Variants in EDNRA observed in about 807,000 individuals in gnomAD.
The protein encoded by EDNRA is endothelin-1 receptor.
Under a neutral mutation model 41.4 loss-of-function variants are expected in EDNRA, and 11 were observed. The ratio of observed to expected loss-of-function variants is 0.27; its 90% CI spans 0.17 to 0.44. The LOEUF is 0.44. Among genes scored for constraint, EDNRA ranks in the 20% least tolerant of loss-of-function variants. EDNRA has a pLI of 1.00. For synonymous variants in EDNRA, 172 were observed against 183.0 expected (o/e 0.94, Z 0.49); for missense variants, 294 against 531.0 (o/e 0.55, Z 4.39).
chr4:147,500,080 C>T (rs753758585), intron 2 of EDNRA, among the ~76,000 whole-genome samples: 3 of 152,162 alleles, frequency 2.0e-5, no homozygotes, highest in South Asian at 2.1e-4. Context: ...GCTGGGATTA[C>T]GAGTGTGAGC....
rs755889200 is a variant in EDNRA, at chr4:147,532,685, C to G, written c.728C>G (p.Ala243Gly). The change falls in exon 4 of 8, where the codon GCC (alanine) becomes GGC (glycine). Residue 243 changes from alanine to glycine, a missense_variant. Physicochemically the swap from Ala to Gly is moderately conservative, Grantham distance 60. Coordinates refer to ENST00000651419, the MANE Select transcript of EDNRA (RefSeq NM_001957.4). Reference sequence around the variant, plus strand: ...CAGCATAAAACCTGTATGCTCAATGCCACATCAAAATTCATGGAGGTACTA... The same window carrying G: ...CAGCATAAAACCTGTATGCTCAATGGCACATCAAAATTCATGGAGGTACTA... ...GEQHKTCMLN[A>G]TSKFMEFYQD... 6.2e-7 allele frequency: 1 copy of G among 1,614,052 alleles called. No homozygotes were observed.
intron 6 of EDNRA, 57 bp from the exon 7 acceptor site, chr4:147,540,320 G>C: frequency 1.5e-6 from 2 of 1,325,642 alleles, no homozygotes; most frequent in South Asian, 1.3e-5. Context: ...AAATGCTAGT[G>C]AGCAGATTTT....
In EDNRA at chr4:147,539,895, A is replaced by G; in HGVS notation, c.979A>G (p.Ile327Val). 1 of 1,613,604 alleles carries G rather than the reference A, an allele frequency of 6.2e-7. No homozygotes were observed. The highest frequency in any genetic ancestry group is 8.5e-7 in the Non-Finnish European group (1 of 1,179,916). Residue 327 changes from isoleucine to valine, a missense_variant, in exon 6 of 8, where the codon ATA becomes GTA. Physicochemically the swap from Ile to Val is conservative, Grantham distance 29 (BLOSUM62 3). Coordinates refer to ENST00000651419, the MANE Select transcript of EDNRA (RefSeq NM_001957.4). ...CTGGTTCCCTCTTCATTTAAGCCGT[A>G]TATTGAAGAAAACTGTGTATAACGA... ...LCWFPLHLSR[I>V]LKKTVYNEMD...
intron 4 of EDNRA, among the ~76,000 whole-genome samples, chr4:147,534,707 TA>T (rs1237066549): frequency 4.6e-5 from 7 of 152,250 alleles, no homozygotes; most frequent in African/African-American, 1.7e-4. Flanking sequence ...ATAAACACAA[TA>T]TTACTATATC....
chr4:147,509,686 T>A (rs957198228), intron 2 of EDNRA, among the ~76,000 whole-genome samples: 1 of 152,094 alleles, frequency 6.6e-6, no homozygotes, highest in African/African-American at 2.4e-5. Context: ...AACCCTTTTG[T>A]GAACTGCACA....
chr4:147,491,418 AAATT>A (rs575613506), intron 2 of EDNRA: 2 of 152,332 alleles, frequency 1.3e-5, no homozygotes, highest in African/African-American at 4.8e-5. Context: ...TCTTAAAAAT[AAATT>A]GTCACAACTT....
intron 3 of EDNRA, among the ~76,000 whole-genome samples, chr4:147,526,177 T>G (rs1730536132): frequency 6.6e-6 from 1 of 152,252 alleles, no homozygotes. Context: ...TTTGTTCTTT[T>G]ATCTTATTCT....
Position 147,544,001 on chromosome 4 carries a change from T to C in EDNRA, c.*1383T>C, listed in dbSNP as rs1016976719. ...TTTTACTAGTGTGTGTGTGTATATA[T>C]ATAAACAATTGTAAATTTCTTTTAG... On this transcript the variant is annotated 3_prime_UTR_variant, in exon 8 of 8. Transcript: ENST00000651419. The C allele has an allele frequency of 6.6e-6, 1 of 152,600 alleles. No homozygotes were observed. The highest frequency in any genetic ancestry group is 2.4e-5 in the African/African-American group (1 of 41,432). 9.5% of individuals were successfully genotyped at this position (152,600 alleles called of 1,614,324 possible).
intron 2 of EDNRA, among the ~76,000 whole-genome samples, chr4:147,505,215 AAG>A (rs60042535): frequency 3.4e-4 from 46 of 134,622 alleles, no homozygotes; most frequent in African/African-American, 1.3e-3. Context: ...AAAAAAAAAA[AAG>A]AGAGAGAGAG....
chr4:147,482,941 C>T (rs988388269), intron 1 of EDNRA, among the ~76,000 whole-genome samples: 2 of 152,148 alleles, frequency 1.3e-5, no homozygotes, highest in Non-Finnish European at 2.9e-5. Flanking sequence ...CAAAGGCCTT[C>T]TCTCTCTCAT....
intron 6 of EDNRA, 95 bp from the exon 7 acceptor site, chr4:147,540,282 G>A: frequency 9.3e-7 from 1 of 1,073,502 alleles, no homozygotes; most frequent in Non-Finnish European, 1.3e-6. Context: ...AATGGCTTCT[G>A]GGCAAGAAAA....
chr4:147,523,790 T>C (rs1390911557), intron 3 of EDNRA, among the ~76,000 whole-genome samples: 1 of 152,096 alleles, frequency 6.6e-6, no homozygotes, highest in Non-Finnish European at 1.5e-5. Context: ...GCGCCCGTCC[T>C]GTTTTGTTAG....
chr4:147,499,243 A>G (rs1350670513), intron 2 of EDNRA, among the ~76,000 whole-genome samples: 2 of 152,104 alleles, frequency 1.3e-5, no homozygotes, highest in African/African-American at 2.4e-5. Context: ...TTTTGTAAAG[A>G]TGGGGTCTCA....
intron 5 of EDNRA, 57 bp downstream of exon 5, chr4:147,536,086 C>A: frequency 6.3e-7 from 1 of 1,586,294 alleles, no homozygotes; most frequent in Non-Finnish European, 8.6e-7. Flanking sequence ...TTGACAGCAG[C>A]AGGCCTGCAA....
chr4:147,524,678 ATAAAC>A (rs1730469039), intron 3 of EDNRA, among the ~76,000 whole-genome samples: 1 of 152,178 alleles, frequency 6.6e-6, no homozygotes, highest in Non-Finnish European at 1.5e-5. Flanking sequence ...TTCCTTGAAA[ATAAAC>A]TAATCATTCT....
At chr4:147,502,275 T>C (rs1729543085) in intron 2 of EDNRA, among the ~76,000 whole-genome samples, 1 of 152,196 alleles carries the variant, frequency 6.6e-6, no homozygotes, top group African/African-American at 2.4e-5. Flanking sequence ...AGATATTTTT[T>C]CTACTCTGAA....
intron 2 of EDNRA, among the ~76,000 whole-genome samples, chr4:147,517,496 T>C (rs190989454): frequency 3.3e-5 from 5 of 152,292 alleles, no homozygotes; most frequent in Admixed American, 3.3e-4. Flanking sequence ...GGGACCTAAT[T>C]TCCTCCTAGC....
At chr4:147,540,223 G>T (rs1167776657) in intron 6 of EDNRA, among the ~76,000 whole-genome samples, 154 bp from the exon 7 acceptor site, 1 of 152,186 alleles carries the variant, frequency 6.6e-6, no homozygotes, top group Non-Finnish European at 1.5e-5. Flanking sequence ...AACTGAAACT[G>T]CCGTTTAAAC....
chr4:147,540,028 C>G (rs1242038865), intron 6 of EDNRA, 78 bp downstream of exon 6: 2 of 1,511,514 alleles, frequency 1.3e-6, no homozygotes, highest in East Asian at 4.5e-5. Context: ...AAACCAGCTA[C>G]TCTACATGCC....
Sources: gnomAD v4.1 joint callset for allele counts (sites outside exome capture counted in the v4.1 genomes callset) on GRCh38, gnomAD v4.1.1 for gene constraint, MANE v1.5 for transcripts, NCBI Gene and HGNC (gene_info 2026-07-23, HGNC 2026-07-21) for gene names.